Variants in RTTN observed in about 807,000 individuals in gnomAD.
RTTN encodes rotatin.
RTTN carries 182 observed loss-of-function variants against 269.2 expected under a neutral mutation model. The ratio of observed to expected loss-of-function variants is 0.68; its 90% confidence interval spans 0.60 to 0.76. The LOEUF is 0.76. Ranked by LOEUF, RTTN falls within the 30% of genes least tolerant of loss-of-function variation. The pLI, the probability that RTTN is intolerant of heterozygous loss-of-function variation, is 0.00. For missense variants in RTTN, 2,545 were observed against 2,608.6 expected (o/e 0.98, Z 0.53); for synonymous variants, 1,006 against 963.5 (o/e 1.04, Z -0.82).
At chr18:70,148,848 T>C in intron 17 of RTTN, 53 bp downstream of exon 17, 1 of 1,602,776 alleles carries the variant, frequency 6.2e-7, no homozygotes, top group Non-Finnish European at 8.5e-7. Flanking sequence ...TACTATACTT[T>C]CTTAGCATGT....
intron 26 of RTTN, among the ~76,000 whole-genome samples, chr18:70,120,225 CAG>C (rs59837788): frequency 0.81 from 123,473 of 151,888 alleles, 53,385 homozygotes; most frequent in East Asian, 1. Flanking sequence ...CGGGACTCTT[CAG>C]AGAGTCCCCA....
intron 32 of RTTN, among the ~76,000 whole-genome samples, chr18:70,078,643 AGAT>A (rs1263455299): frequency 6.6e-6 from 1 of 152,030 alleles, no homozygotes; most frequent in Non-Finnish European, 1.5e-5. Flanking sequence ...TCTGAGTATT[AGAT>A]GAGTTGGTCC....
intron 31 of RTTN, among the ~76,000 whole-genome samples, chr18:70,087,648 A>C (rs1320787574): frequency 6.6e-6 from 1 of 152,210 alleles, no homozygotes; most frequent in East Asian, 1.9e-4. Flanking sequence ...TTATTTTGAC[A>C]GCCTCTTATC....
chr18:70,114,511 T>C lies in RTTN; in HGVS notation c.3617A>G (p.Gln1206Arg), dbSNP rs764604113. 1.9e-6 allele frequency: 3 copies of C among 1,613,720 alleles called. No homozygotes were observed. The Admixed American group carries it at 5.0e-5, about 27-fold the overall frequency. ...TDDIRTAVRQ[Q>R]LQKELIALFD... ...AAGAGCAATCAGTTCTTTCTGAAGT[T>C]GTTGCCTGACAGCAGTCCGGATATC... The change falls in exon 27 of 49, where the codon CAA becomes CGA. Residue 1206 changes from glutamine (Q) to arginine (R), a missense_variant. Transcript: ENST00000640769.
chr18:70,006,563 C>G, intron 46 of RTTN, 79 bp from the exon 47 acceptor site: 2 of 1,031,496 alleles, frequency 1.9e-6, no homozygotes, highest in Middle Eastern at 4.2e-4. Flanking sequence ...GTCAGACACC[C>G]CCCTCTTTTC....
chr18:70,197,080 C>G (rs1261867082), intron 6 of RTTN, among the ~76,000 whole-genome samples: 1 of 152,166 alleles, frequency 6.6e-6, no homozygotes, highest in Non-Finnish European at 1.5e-5. Flanking sequence ...TAGGTATTAA[C>G]AGTTGGCACC....
At position 70,060,062 on chromosome 18, in the gene RTTN, T is replaced by C. The variant is rs372726614; in HGVS notation, c.4748-20A>G. On this transcript the variant is annotated intron_variant, in intron 35 of 48. Coordinates refer to ENST00000640769, the MANE Select transcript of RTTN (RefSeq NM_173630.4). ...GGTGACCTATTATTGAAAATAAACA[T>C]AAGAATTATTATTTACCTTACAGCT... is the stretch of plus-strand genomic sequence containing the variant. 1.9e-6 allele frequency: 3 copies of C among 1,571,114 alleles called. No homozygotes were observed. Among genetic ancestry groups the C allele is most frequent in the Non-Finnish European group, 2.6e-6 (3 of 1,154,832 alleles).
intron 19 of RTTN, 126 bp downstream of exon 19, chr18:70,142,162 T>C (rs779913393): frequency 2.3e-5 from 14 of 617,172 alleles, no homozygotes; most frequent in Non-Finnish European, 3.7e-5. Flanking sequence ...TTGAGGGCTG[T>C]CAAAAAAAAG....
chr18:70,166,902 A>G lies in RTTN; in HGVS notation c.1802+17T>C. 1 of 1,546,724 alleles carries G rather than the reference A, an allele frequency of 6.5e-7. No individual in the cohort carries two copies. Among genetic ancestry groups the G allele is most frequent in the East Asian group, 2.2e-5 (1 of 44,528 alleles). On this transcript the variant is annotated intron_variant, in intron 13 of 48. Transcript: ENST00000640769. ...TGTCCAATAATAACGTAATCACATTAAGAAAGAAAATATTACATCTTTGAA... is the reference window on the plus strand; with the variant it reads ...TGTCCAATAATAACGTAATCACATTGAGAAAGAAAATATTACATCTTTGAA...
chr18:70,026,652 G>A (rs903358201), intron 43 of RTTN, among the ~76,000 whole-genome samples: 12 of 151,996 alleles, frequency 7.9e-5, no homozygotes, highest in Non-Finnish European at 1.3e-4. Context: ...AGGCAAGAAC[G>A]GCCTAATGCA....
chr18:70,005,149 C>T (rs1440654384), intron 48 of RTTN, 49 bp downstream of exon 48: 11 of 1,410,018 alleles, frequency 7.8e-6, no homozygotes, highest in Non-Finnish European at 1.1e-5. Flanking sequence ...AGAAAATCCA[C>T]TTAATAGCTT....
intron 44 of RTTN, among the ~76,000 whole-genome samples, chr18:70,022,352 C>T (rs1241063343): frequency 2.0e-5 from 3 of 152,136 alleles, no homozygotes; most frequent in Non-Finnish European, 4.4e-5. Flanking sequence ...GCCTTCCCTC[C>T]GCTTCTGTTG....
At chr18:70,184,997 A>G (rs1298221472) in intron 10 of RTTN, among the ~76,000 whole-genome samples, 1 of 152,098 alleles carries the variant, frequency 6.6e-6, no homozygotes, top group African/African-American at 2.4e-5. Flanking sequence ...ACTATAAGCT[A>G]CAATAATTAA....
intron 19 of RTTN, among the ~76,000 whole-genome samples, chr18:70,140,803 TGCACACGCACA>T (rs1169205211): frequency 6.6e-6 from 1 of 152,172 alleles, no homozygotes; most frequent in African/African-American, 2.4e-5. Context: ...TATAGACATG[TGCACACGCACA>T]CACAAATGTT....
intron 18 of RTTN, among the ~76,000 whole-genome samples, chr18:70,143,638 A>C (rs1194962116): frequency 6.6e-6 from 1 of 152,064 alleles, no homozygotes; most frequent in East Asian, 1.9e-4. Flanking sequence ...AAAAATAACT[A>C]TCGGGTACTA....
Position 70,179,444 on chromosome 18 carries a change from T to C in RTTN, c.1306-2599A>G, listed in dbSNP as rs566284160. On this transcript the variant is annotated intron_variant, in intron 10 of 48. Coordinates refer to ENST00000640769, the MANE Select transcript of RTTN (RefSeq NM_173630.4). ...TAGGAATGAGTTTTACAGTTCTATT[T>C]CCAACATTTCTTCTAAGCATAAAAA... 1.0e-3 allele frequency among the ~76,000 whole-genome samples: 156 copies of C among 152,342 alleles called. 1 individual carries two copies. The highest frequency in any genetic ancestry group is 3.7e-3 in the African/African-American group (153 of 41,580).
At chr18:70,055,019 T>C (rs528216776) in intron 37 of RTTN, among the ~76,000 whole-genome samples, 127 of 152,276 alleles carry the variant, frequency 8.3e-4, no homozygotes, top group African/African-American at 2.9e-3. Context: ...AATGCAAATA[T>C]GTTCTATTTT....
At chr18:70,017,941 AATT>A (rs2056591335) in intron 45 of RTTN, among the ~76,000 whole-genome samples, 2 of 152,198 alleles carry the variant, frequency 1.3e-5, no homozygotes, top group African/African-American at 2.4e-5. Context: ...AATTATTTAG[AATT>A]GGTAATTAAG....
chr18:70,067,220 C>T lies in RTTN; in HGVS notation c.4654-1298G>A, dbSNP rs1201119823. 2.7e-5 allele frequency among the ~76,000 whole-genome samples: 4 copies of T among 149,470 alleles called. No individual in the cohort carries two copies. In the East Asian group the frequency reaches 5.9e-4, roughly 22 times the overall value. ...TGTTGCCCAGGCTGGAGTGCAGTGGCACGATCTCGGCTCACTGCAAGCTCC... is the reference window on the plus strand; with the variant it reads ...TGTTGCCCAGGCTGGAGTGCAGTGGTACGATCTCGGCTCACTGCAAGCTCC... On this transcript the variant is annotated intron_variant, in intron 34 of 48. Coordinates refer to ENST00000640769, the MANE Select transcript of RTTN (RefSeq NM_173630.4).
Sources: allele counts gnomAD v4.1 joint callset (sites outside exome capture counted in the v4.1 genomes callset), GRCh38; gene constraint gnomAD v4.1.1; transcripts MANE v1.5; gene names NCBI Gene and HGNC (gene_info 2026-07-23, HGNC 2026-07-21).